C15orf40: variants seen among roughly 807,000 people sequenced by gnomAD.
C15orf40 encodes UPF0235 protein C15orf40.
A neutral mutation model predicts 13.9 loss-of-function variants in C15orf40; 9 were observed. That is an observed-to-expected ratio of 0.65 (90% CI 0.39 to 1.13). C15orf40 has a LOEUF of 1.13. C15orf40 is among the 50% of genes most tolerant of loss of function. C15orf40 has a pLI of 0.01. For missense variants in C15orf40, 225 were observed against 188.5 expected (o/e 1.19, Z -1.13); for synonymous variants, 95 against 69.2 (o/e 1.37, Z -1.85).
downstream of C15orf40, chr15:82,989,249 T>C (rs2030757086): frequency 1.3e-6 from 2 of 1,558,268 alleles, no homozygotes; most frequent in South Asian, 1.2e-5. Context: ...TTTAATCTGC[T>C]AGACTGGAAG....
downstream of C15orf40, among the ~76,000 whole-genome samples, chr15:82,993,789 G>A (rs959397447): frequency 6.6e-6 from 1 of 151,852 alleles, no homozygotes; most frequent in African/African-American, 2.4e-5. Context: ...TAAGTGACAG[G>A]GCAAGACTCC....
chr15:82,990,019 A>C (rs955418748), downstream of C15orf40: 1 of 1,571,326 alleles, frequency 6.4e-7, no homozygotes, highest in African/African-American at 1.4e-5. Flanking sequence ...ATCCCCAGCA[A>C]TATGGACATT....
At chr15:83,006,388 T>G in intron 3 of C15orf40, 4 of 985,180 alleles carry the variant, frequency 4.1e-6, no homozygotes, top group African/African-American at 1.7e-5. Flanking sequence ...TCTATGTTGT[T>G]AAACATTTCT....
downstream of C15orf40, among the ~76,000 whole-genome samples, chr15:82,989,682 C>A (rs1286507166): frequency 2.0e-5 from 3 of 152,036 alleles, no homozygotes; most frequent in Admixed American, 6.6e-5. Flanking sequence ...GTAAAGTGTA[C>A]CTAGTATAAT....
Position 83,004,655 on chromosome 15 carries a change from TCA to T in C15orf40, c.*940_*941del. 2.3e-5 allele frequency: 21 copies of T among 896,690 alleles called. No homozygotes were observed. The highest frequency in any genetic ancestry group is 2.8e-5 in the Non-Finnish European group (21 of 747,882). The allele number at this position is 896,690 out of a possible 1,614,324, so 55.5% of individuals were successfully genotyped here. ...TCAGTGACTTCTCAAAAATTATAAT[TCA>T]CATTTAATTACAAGTCATGATTTTT... On this transcript the variant is annotated 3_prime_UTR_variant, in exon 4 of 4. Transcript: ENST00000304177.
chr15:83,004,990 A>C lies in C15orf40; in HGVS notation c.*607T>G. On this transcript the variant is annotated 3_prime_UTR_variant, in exon 4 of 4. Coordinates refer to ENST00000304177, the MANE Select transcript of C15orf40 (RefSeq NM_144597.3). ...CTCAACTTCTGGATATAGGAAATCA[A>C]AGGCCCCCCAACAGAATGAAAGGTG... The C allele has an allele frequency of 7.8e-7, 1 of 1,275,852 alleles. No individual in the cohort carries two copies. The highest frequency in any genetic ancestry group is 1.0e-6 in the Non-Finnish European group (1 of 965,434). 79.0% of individuals were successfully genotyped at this position (1,275,852 alleles called of 1,614,324 possible).
chr15:82,993,804 CAA>C (rs1174561044), downstream of C15orf40, among the ~76,000 whole-genome samples: 5 of 152,090 alleles, frequency 3.3e-5, no homozygotes, highest in African/African-American at 9.7e-5. Flanking sequence ...GACTCCATCT[CAA>C]AAATAAATAA....
chr15:83,003,188 C>G lies in C15orf40; in HGVS notation c.*2409G>C, dbSNP rs769138489. On this transcript the variant is annotated 3_prime_UTR_variant, in exon 4 of 4. Coordinates refer to ENST00000304177, the MANE Select transcript of C15orf40 (RefSeq NM_144597.3). ...TTGCCCAGGCTAGAGTGCAATGGCA[C>G]GATCTCAGCTCACCGCAACCTCCAA... 6.9e-6 allele frequency: 1 copy of G among 144,788 alleles called. No homozygotes were observed. The highest frequency in any genetic ancestry group is 1.5e-5 in the Non-Finnish European group (1 of 67,210). The allele number at this position is 144,788 out of a possible 1,614,324, so 9.0% of individuals were successfully genotyped here. A position where few individuals can be genotyped will look rare whatever the true frequency, so the allele number is the denominator to read the frequency against.
At position 82,995,199 on chromosome 15, in the gene C15orf40, T is replaced by A. The variant is rs2031004967; in HGVS notation, c.*10398A>T. On this transcript the variant is annotated 3_prime_UTR_variant, in exon 4 of 4. Transcript: ENST00000304177. ...GGATGGAAGTAGAGATCCCTTGACTTGTGCACATTCTGGGAGAGAGAGTGG... is the reference window on the plus strand; with the variant it reads ...GGATGGAAGTAGAGATCCCTTGACTAGTGCACATTCTGGGAGAGAGAGTGG... 6.6e-6 allele frequency: 1 copy of A among 152,250 alleles called. No homozygotes were observed. Among genetic ancestry groups the A allele is most frequent in the South Asian group, 2.1e-4 (1 of 4,832 alleles). The allele number at this position is 152,250 out of a possible 1,614,324, so 9.4% of individuals were successfully genotyped here.
rs370343641 is a variant in C15orf40 at position 83,008,705 on chromosome 15, T to C, written c.239-30A>G. 54 of 1,550,150 alleles carry C rather than the reference T, an allele frequency of 3.5e-5. No homozygotes were observed. The African/African-American group carries it at 5.4e-4, about 16-fold the overall frequency. On this transcript the variant is annotated intron_variant, in intron 2 of 3. Coordinates refer to ENST00000304177, the MANE Select transcript of C15orf40 (RefSeq NM_144597.3). ...AATGAAAATAGTGTGGACTTTATCCTTAAGGAGTTCTTTTTCTTCATGAAG... is the reference window on the plus strand; with the variant it reads ...AATGAAAATAGTGTGGACTTTATCCCTAAGGAGTTCTTTTTCTTCATGAAG...
At chr15:83,009,094 T>TACTGAGGCGGGGCGACGG in intron 2 of C15orf40, among the ~76,000 whole-genome samples, 1 of 152,268 alleles carries the variant, frequency 6.6e-6, no homozygotes, top group East Asian at 1.9e-4. Context: ...CAGGGTTTCC[T>TACTGAGGCGGGGCGACGG]CAACAGGAAA....
rs779103561 is a variant in C15orf40 at position 83,010,355 on chromosome 15, G to T, written c.120C>A (p.Ser40Arg). The T allele has an allele frequency of 1.2e-6, 2 of 1,614,144 alleles. No homozygotes were observed. Among genetic ancestry groups the T allele is most frequent in the South Asian group, 2.2e-5 (2 of 91,072 alleles). ...GTGGTCTCTCTGGTTCCTTGCTCTG[G>T]CTTTTACCCTAAAATGACAACCACA... ...KKAGATTKGK[S>R]QSKEPERPLP... Residue 40 changes from serine (S) to arginine (R), a missense_variant, in exon 2 of 4, where the codon AGC (serine) becomes AGA (arginine). Ser to Arg is a moderately radical substitution (Grantham distance 110). Transcript: ENST00000304177.
chr15:83,005,719 T>A, intron 3 of C15orf40, 27 bp from the exon 4 acceptor site: 2 of 1,606,418 alleles, frequency 1.2e-6, no homozygotes, highest in Non-Finnish European at 1.7e-6. Context: ...AAAGCATACT[T>A]TACTGTTTAG....
intron 1 of C15orf40, chr15:83,010,666 G>T: frequency 3.6e-6 from 1 of 275,570 alleles, no homozygotes; most frequent in Non-Finnish European, 6.9e-6. Flanking sequence ...TTGGGGGCAG[G>T]GATCATTTAT....
Position 83,000,694 on chromosome 15 carries a change from T to C in C15orf40, c.*4903A>G, listed in dbSNP as rs1350618541. 6.6e-6 allele frequency: 1 copy of C among 152,258 alleles called. No individual in the cohort carries two copies. The highest frequency in any genetic ancestry group is 1.5e-5 in the Non-Finnish European group (1 of 68,050). The allele number at this position is 152,258 out of a possible 1,614,324, so 9.4% of individuals were successfully genotyped here. On this transcript the variant is annotated 3_prime_UTR_variant, in exon 4 of 4. Coordinates refer to ENST00000304177, the MANE Select transcript of C15orf40 (RefSeq NM_144597.3). ...AATTTGAATTTGGGGCCATGTGGGT[T>C]CTAAAATTTATACTCTGCATTACAG...
chr15:83,010,437 CCCCTTTCA>C, intron 1 of C15orf40, 74 bp from the exon 2 acceptor site: 2 of 1,552,176 alleles, frequency 1.3e-6, no homozygotes, highest in South Asian at 2.3e-5. Context: ...CTTCCACTAC[CCCCTTTCA>C]CCCTTAACAG....
intron 1 of C15orf40, 151 bp downstream of exon 1, chr15:83,011,344 CTG>C (rs2031997782): frequency 1.2e-6 from 1 of 816,708 alleles, no homozygotes; most frequent in African/African-American, 1.8e-5. Flanking sequence ...GGCCGCAGCT[CTG>C]GGGGTGGCGG....
At chr15:82,991,838 G>T, downstream of C15orf40, 1 of 1,247,138 alleles carries the variant, frequency 8.0e-7, no homozygotes, top group African/African-American at 1.5e-5. Context: ...TATAAAGATA[G>T]GATTTGATAC....
Position 82,995,309 on chromosome 15 carries a change from T to A in C15orf40, c.*10288A>T, listed in dbSNP as rs1028962273. ...GCCCAGGATGAGGAATAAGTGACACTTCAGCTGTCGTGACACTGCTGAGGC... is the reference window on the plus strand; with the variant it reads ...GCCCAGGATGAGGAATAAGTGACACATCAGCTGTCGTGACACTGCTGAGGC... On this transcript the variant is annotated 3_prime_UTR_variant, in exon 4 of 4. Coordinates refer to ENST00000304177, the MANE Select transcript of C15orf40 (RefSeq NM_144597.3). The A allele has an allele frequency of 2.0e-5, 3 of 152,270 alleles. No homozygotes were observed. Among genetic ancestry groups the A allele is most frequent in the African/African-American group, 7.2e-5 (3 of 41,468 alleles). 9.4% of individuals were successfully genotyped at this position (152,270 alleles called of 1,614,324 possible). A position where few individuals can be genotyped will look rare whatever the true frequency, so the allele number is the denominator to read the frequency against.
Sources: gnomAD v4.1 joint callset for allele counts (sites outside exome capture counted in the v4.1 genomes callset) on GRCh38, gnomAD v4.1.1 for gene constraint, MANE v1.5 for transcripts, NCBI Gene and HGNC (gene_info 2026-07-23, HGNC 2026-07-21) for gene names.